SLC30A5: variants seen among roughly 807,000 people sequenced by gnomAD.
The protein encoded by SLC30A5 is proton-coupled zinc antiporter SLC30A5.
Under a neutral mutation model 79.6 loss-of-function variants are expected in SLC30A5, and 33 were observed. The ratio of observed to expected loss-of-function variants is 0.41; its 90% confidence interval spans 0.31 to 0.55. The LOEUF (loss-of-function observed/expected upper bound fraction) is 0.55. Among genes scored for constraint, SLC30A5 ranks in the 20% least tolerant of loss-of-function variants. The probability of loss-of-function intolerance (pLI) is 0.20; values close to 1 mark genes in which losing one functional copy is unlikely to be tolerated. For missense variants in SLC30A5, 788 were observed against 928.1 expected (o/e 0.85, Z 1.96); for synonymous variants, 299 against 319.7 (o/e 0.94, Z 0.69).
intron 2 of SLC30A5, 101 bp downstream of exon 2, chr5:69,101,030 G>C (rs1182754148): frequency 8.5e-7 from 1 of 1,171,546 alleles, no homozygotes; most frequent in Non-Finnish European, 1.2e-6. Context: ...TATTTTGTTT[G>C]TTCCTCCTGA....
At chr5:69,096,270 C>A (rs1745727932) in intron 1 of SLC30A5, among the ~76,000 whole-genome samples, 1 of 152,180 alleles carries the variant, frequency 6.6e-6, no homozygotes. Flanking sequence ...CAGGACGATA[C>A]ATTAACAATT....
chr5:69,100,108 A>G (rs1745866774), intron 1 of SLC30A5, among the ~76,000 whole-genome samples: 1 of 152,076 alleles, frequency 6.6e-6, no homozygotes, highest in African/African-American at 2.4e-5. Flanking sequence ...GGCTGGAATT[A>G]CAGGCACCCG....
At position 69,101,029 on chromosome 5, in the gene SLC30A5, T is replaced by C; in HGVS notation, c.206+100T>C. The stretch of plus-strand genomic sequence containing the variant: ...GAAACTTTACATACAATATTTTGTT[T>C]GTTCCTCCTGACAAGTATTTGATAA... On this transcript the variant is annotated intron_variant, in intron 2 of 15. Transcript: ENST00000396591. 6 of 1,175,718 alleles carry C rather than the reference T, an allele frequency of 5.1e-6. No individual in the cohort carries two copies. In the South Asian group the frequency reaches 1.0e-4, roughly 20 times the overall value. 72.8% of individuals were successfully genotyped at this position (1,175,718 alleles called of 1,614,324 possible). A position where few individuals can be genotyped will look rare whatever the true frequency, so the allele number is the denominator to read the frequency against.
rs772610140 is a variant in SLC30A5, at chr5:69,116,641, A to G, written c.1281+39A>G. On this transcript the variant is annotated intron_variant, in intron 10 of 15. Coordinates refer to ENST00000396591, the MANE Select transcript of SLC30A5 (RefSeq NM_022902.5). This position sits in a 1 kb window ranked among gnomAD's most constrained non-coding sequence, Gnocchi z 4.0. ...ATGTTAATTGACATATCCTAAAAGC[A>G]TAATATTTTAATTTTGACAGTTCTG... 1 of 1,336,366 alleles carries G rather than the reference A, an allele frequency of 7.5e-7. No individual in the cohort carries two copies. The highest frequency in any genetic ancestry group is 2.4e-5 in the East Asian group (1 of 40,988). The allele number at this position is 1,336,366 out of a possible 1,614,324, so 82.8% of individuals were successfully genotyped here.
Position 69,128,013 on chromosome 5 carries a change from A to C in SLC30A5, c.2008A>C (p.Ile670Leu). ...LHIALEKIQKIEGLISYRDPH... is the reference protein window; with the variant it reads ...LHIALEKIQKLEGLISYRDPH... ...CTCTTTTATTTGACAGATACAGAAA[A>C]TTGAAGGATTAATATCATACCGAGA... Residue 670 changes from isoleucine to leucine, a missense_variant, in exon 15 of 16, where the codon ATT becomes CTT. This residue lies in a region of SLC30A5 where 158 missense variants were observed against 156.2 expected (regional missense o/e 1.01). Transcript: ENST00000396591. The C allele has an allele frequency of 6.2e-7, 1 of 1,610,036 alleles. No homozygotes were observed. Among genetic ancestry groups the C allele is most frequent in the Non-Finnish European group, 8.5e-7 (1 of 1,177,568 alleles).
intron 4 of SLC30A5, 124 bp downstream of exon 4, chr5:69,104,840 CAGAG>C (rs1746041192): frequency 1.1e-6 from 1 of 935,860 alleles, no homozygotes; most frequent in East Asian, 2.8e-5. Flanking sequence ...TTTATAGCAT[CAGAG>C]AGAATTCAAC....
chr5:69,107,786 G>C (rs1297109118), intron 4 of SLC30A5, among the ~76,000 whole-genome samples: 1 of 148,196 alleles, frequency 6.7e-6, no homozygotes, highest in Non-Finnish European at 1.5e-5. Context: ...AGGCTGGCAT[G>C]CAGTGGCCCG....
intron 14 of SLC30A5, among the ~76,000 whole-genome samples, chr5:69,125,512 G>C (rs1746651474): frequency 6.9e-6 from 1 of 145,566 alleles, no homozygotes; most frequent in Non-Finnish European, 1.5e-5. Flanking sequence ...ACTGGCAACA[G>C]AGCGAGACTC....
intron 15 of SLC30A5, among the ~76,000 whole-genome samples, chr5:69,128,662 A>G (rs1303019627): frequency 1.3e-5 from 2 of 152,188 alleles, no homozygotes; most frequent in African/African-American, 2.4e-5. Context: ...TGTTTAGAGG[A>G]TAAGCTTTAA....
intron 3 of SLC30A5, 26 bp from the exon 4 acceptor site, chr5:69,104,605 T>C: frequency 6.7e-7 from 1 of 1,502,746 alleles, no homozygotes; most frequent in Non-Finnish European, 8.9e-7. Flanking sequence ...GACTGAAATT[T>C]TTAATTTTTT....
rs527901551 is a variant in SLC30A5 at position 69,111,454 on chromosome 5, G to C, written c.448-1686G>C. Among the ~76,000 whole-genome samples, 7 of 151,680 alleles carry C rather than the reference G, an allele frequency of 4.6e-5. No homozygotes were observed. In the East Asian group the frequency reaches 9.7e-4, roughly 21 times the overall value. The stretch of plus-strand genomic sequence containing the variant: ...TGAGTAGCTGGAATTACAGGCACCT[G>C]CCACTGCGCCTGGCCTAATTTTTGT... On this transcript the variant is annotated intron_variant, in intron 5 of 15. Coordinates refer to ENST00000396591, the MANE Select transcript of SLC30A5 (RefSeq NM_022902.5).
At chr5:69,113,281 C>A in intron 6 of SLC30A5, 54 bp downstream of exon 6, 2 of 1,338,318 alleles carry the variant, frequency 1.5e-6, no homozygotes, top group Non-Finnish European at 2.1e-6. Flanking sequence ...AAACTAGAAG[C>A]CTGGAACAAT....
At chr5:69,102,514 G>A (rs1745957095) in intron 2 of SLC30A5, 1 of 152,016 alleles carries the variant, frequency 6.6e-6, no homozygotes, top group African/African-American at 2.4e-5. Context: ...AAAAAAAATT[G>A]TGACTCCTTT....
chr5:69,104,126 A>G (rs1178919191), intron 3 of SLC30A5: 2 of 1,405,136 alleles, frequency 1.4e-6, no homozygotes, highest in African/African-American at 1.5e-5. Context: ...AAAACAGAAT[A>G]CTGTCCTTTT....
intron 6 of SLC30A5, among the ~76,000 whole-genome samples, chr5:69,114,150 C>T (rs1393607742): frequency 6.6e-6 from 1 of 152,074 alleles, no homozygotes; most frequent in East Asian, 1.9e-4. Context: ...TAAAATCTGG[C>T]AAGTTTATCT....
At chr5:69,113,299 G>GCAGCTCCCCTTGTCTGAAAAT in intron 6 of SLC30A5, 72 bp downstream of exon 6, 1 of 1,135,296 alleles carries the variant, frequency 8.8e-7, no homozygotes, top group South Asian at 1.4e-5. Context: ...AATGGAAAAA[G>GCAGCTCCCCTTGTCTGAAAAT]AAAGGATAAG....
intron 12 of SLC30A5, among the ~76,000 whole-genome samples, chr5:69,121,080 C>T (rs1195566788): frequency 1.3e-5 from 2 of 152,130 alleles, no homozygotes; most frequent in Non-Finnish European, 2.9e-5. Context: ...GTGAGAAGAT[C>T]GCTTGAGCCC....
chr5:69,124,898 A>G (rs1268747077), intron 14 of SLC30A5, among the ~76,000 whole-genome samples: 2 of 152,190 alleles, frequency 1.3e-5, no homozygotes, highest in Non-Finnish European at 2.9e-5. Context: ...TCACAAAGAT[A>G]GGGAAAGACT....
At chr5:69,100,736 T>TA (rs1403984989) in intron 1 of SLC30A5, 71 bp from the exon 2 acceptor site, 3 of 1,395,128 alleles carry the variant, frequency 2.2e-6, no homozygotes, top group Non-Finnish European at 3.0e-6. Flanking sequence ...ACCTCTTGTT[T>TA]AAAAAACCAG....
Sources: gnomAD v4.1 joint callset for allele counts (sites outside exome capture counted in the v4.1 genomes callset) on GRCh38, gnomAD v4.1.1 for gene constraint, gnomAD v4.1.1 regional missense constraint, Gnocchi (gnomAD v3.1) non-coding constraint, MANE v1.5 for transcripts, NCBI Gene and HGNC (gene_info 2026-07-23, HGNC 2026-07-21) for gene names.